Variants in PAK6 observed in about 807,000 individuals in gnomAD.
PAK6 encodes serine/threonine-protein kinase PAK 6.
In PAK6, 33 loss-of-function variants were observed where a neutral mutation model predicts 60.8. The ratio of observed to expected loss-of-function variants is 0.54; its 90% CI spans 0.41 to 0.73. PAK6 has a LOEUF of 0.73. Among genes scored for constraint, PAK6 ranks in the 30% least tolerant of loss-of-function variants. The pLI, the probability that PAK6 is intolerant of heterozygous loss-of-function variation, is 0.00. For missense variants in PAK6, 845 were observed against 904.1 expected (o/e 0.93, Z 0.84); for synonymous variants, 404 against 378.5 (o/e 1.07, Z -0.78).
intron 3 of PAK6, chr15:40,263,971 G>A: frequency 6.6e-6 from 3 of 455,978 alleles, no homozygotes; most frequent in South Asian, 3.1e-5. Context: ...TCAAGGGGAG[G>A]TGGTGCTCTC....
Position 40,275,910 on chromosome 15 carries a change from C to T in PAK6, c.1879-17C>T, listed in dbSNP as rs2039442871. 1 of 1,594,962 alleles carries T rather than the reference C, an allele frequency of 6.3e-7. No individual in the cohort carries two copies. Among genetic ancestry groups the T allele is most frequent in the African/African-American group, 1.3e-5 (1 of 74,232 alleles). Reference sequence around the variant, plus strand: ...GACTGCAAATTGTGGCTTCATCTTACTGCCCTGCCTCTACAGGTCTCCCCA... The same window carrying T: ...GACTGCAAATTGTGGCTTCATCTTATTGCCCTGCCTCTACAGGTCTCCCCA... On this transcript the variant is annotated splice_polypyrimidine_tract_variant and intron_variant, in intron 10 of 10. Transcript: ENST00000560346.
At chr15:40,246,644 C>T (rs1186503977) in intron 2 of PAK6, 2 of 152,168 alleles carry the variant, frequency 1.3e-5, no homozygotes, top group South Asian at 2.1e-4. Context: ...CAGCCACTGA[C>T]GAGGGTGTGG....
chr15:40,267,775 C>G lies in PAK6; in HGVS notation c.858+1280C>G, dbSNP rs57314452. ...GCTTGATGTATCTGTGAGAGGAACA[C>G]GAGCATCTGTGAGCTGCAGGGTGTC... On this transcript the variant is annotated intron_variant, in intron 5 of 10. Coordinates refer to ENST00000560346, the Ensembl canonical transcript of PAK6. 2.6e-5 allele frequency among the ~76,000 whole-genome samples: 4 copies of G among 152,152 alleles called. No homozygotes were observed. In the East Asian group the frequency reaches 7.7e-4, roughly 29 times the overall value.
At chr15:40,270,803 G>T (rs142477378) in intron 5 of PAK6, among the ~76,000 whole-genome samples, 22 of 152,368 alleles carry the variant, frequency 1.4e-4, no homozygotes, top group African/African-American at 5.3e-4. Context: ...GCAGAAGTCT[G>T]CCCCAGCATG....
At chr15:40,252,443 C>T (rs1595572899) in intron 2 of PAK6, 1 of 1,359,808 alleles carries the variant, frequency 7.4e-7, no homozygotes, top group Non-Finnish European at 9.8e-7. Context: ...AGCACGGCGC[C>T]CCTCGGGCAG....
chr15:40,267,354 G>A (rs892258912), intron 5 of PAK6, among the ~76,000 whole-genome samples: 25 of 152,160 alleles, frequency 1.6e-4, no homozygotes, highest in African/African-American at 6.0e-4. Context: ...GCCAGCTGAG[G>A]TACTCAGAGA....
In PAK6 at chr15:40,272,244, G is replaced by A. The variant is rs138523206; in HGVS notation, c.879G>A (p.Pro293=). 3.7e-5 allele frequency: 60 copies of A among 1,609,450 alleles called. 1 individual carries two copies. The highest frequency in any genetic ancestry group is 3.0e-4 in the Admixed American group (18 of 59,768). ...TGCAGCCCAACTCCTCTTTCCGACCGCCGCAGAAAGACAACCCCCCAAGCC... is the reference window on the plus strand; with the variant it reads ...TGCAGCCCAACTCCTCTTTCCGACCACCGCAGAAAGACAACCCCCCAAGCC... Residue 293 remains proline (P), a synonymous_variant, in exon 6 of 11, where the codon CCG becomes CCA. Transcript: ENST00000560346.
At chr15:40,275,611 T>G (rs903185240) in intron 10 of PAK6, among the ~76,000 whole-genome samples, 1 of 152,102 alleles carries the variant, frequency 6.6e-6, no homozygotes, top group Non-Finnish European at 1.5e-5. Context: ...TCAAAAGCCC[T>G]ATGTGGCAGA....
At chr15:40,272,565 G>A (rs770910250) in exon 6 of PAK6, 29 of 1,613,436 alleles carry the variant, frequency 1.8e-5, no homozygotes, top group Non-Finnish European at 2.4e-5. Flanking sequence ...TGGTGGACCA[G>A]GGTGACCCCC....
At chr15:40,266,597 G>A in intron 5 of PAK6, 102 bp downstream of exon 5, 2 of 1,220,502 alleles carry the variant, frequency 1.6e-6, no homozygotes, top group Non-Finnish European at 2.2e-6. Flanking sequence ...GAGGCTCCCT[G>A]GACTGCTTCC....
chr15:40,270,082 CTGAGT>C (rs2039260121), intron 5 of PAK6, among the ~76,000 whole-genome samples: 1 of 152,202 alleles, frequency 6.6e-6, no homozygotes, highest in Non-Finnish European at 1.5e-5. Context: ...AGCATGTTTT[CTGAGT>C]TAAGTCCACA....
rs577450410 is a variant in PAK6 at position 40,252,700 on chromosome 15, C to T, written c.-117-478C>T. The T allele has an allele frequency of 1.7e-5, 22 of 1,305,342 alleles. No individual in the cohort carries two copies. In the African/African-American group the frequency reaches 3.2e-4, roughly 19 times the overall value. The allele number at this position is 1,305,342 out of a possible 1,614,324, so 80.9% of individuals were successfully genotyped here. A position where few individuals can be genotyped will look rare whatever the true frequency, so the allele number is the denominator to read the frequency against. On this transcript the variant is annotated intron_variant, in intron 2 of 10. Transcript: ENST00000560346. ...GGCTTCCCGCTCCGCAGGTGGGTTC[C>T]CCGGCTGCCCCGGAGGTTCGCGGCG...
intron 3 of PAK6, among the ~76,000 whole-genome samples, chr15:40,263,553 C>T (rs117445267): frequency 6.6e-4 from 101 of 152,312 alleles, no homozygotes; most frequent in Middle Eastern, 3.4e-3. Context: ...CAGCTCAGCA[C>T]GACCTTAGGC....
intron 9 of PAK6, chr15:40,273,922 A>G: frequency 1.5e-6 from 1 of 669,368 alleles, no homozygotes; most frequent in Non-Finnish European, 2.5e-6. Context: ...CCTATGTATG[A>G]TGGCCTTTCT....
At position 40,272,304 on chromosome 15, in the gene PAK6, G is replaced by C. The variant is rs371922217; in HGVS notation, c.939G>C (p.Gln313His). ...AGGCCCAGTCCTTGCCCTCGGACCAGCCGGTGGGGACCTTCAGCCCTCTGA... is the reference window on the plus strand; with the variant it reads ...AGGCCCAGTCCTTGCCCTCGGACCACCCGGTGGGGACCTTCAGCCCTCTGA... Residue 313 changes from glutamine (Q) to histidine (H), a missense_variant, in exon 6 of 11, where the codon CAG (glutamine) becomes CAC (histidine). Transcript: ENST00000560346. 4.0e-5 allele frequency: 64 copies of C among 1,613,918 alleles called. No individual in the cohort carries two copies. Among genetic ancestry groups the C allele is most frequent in the Non-Finnish European group, 4.5e-5 (53 of 1,180,034 alleles).
chr15:40,263,557 C>T (rs1340248049), intron 3 of PAK6, among the ~76,000 whole-genome samples: 1 of 152,190 alleles, frequency 6.6e-6, no homozygotes, highest in Non-Finnish European at 1.5e-5. Flanking sequence ...TCAGCACGAC[C>T]TTAGGCAAAG....
chr15:40,255,495 G>A (rs942841592), intron 3 of PAK6, among the ~76,000 whole-genome samples: 1 of 152,202 alleles, frequency 6.6e-6, no homozygotes. Flanking sequence ...ACCCTGAGCA[G>A]GTTGTTTGAA....
chr15:40,274,055 T>TC (rs2039383038), intron 9 of PAK6, 87 bp from the exon 10 acceptor site: 6 of 1,489,132 alleles, frequency 4.0e-6, no homozygotes, highest in South Asian at 2.3e-5. Flanking sequence ...GGGCCAGCTG[T>TC]CCCCCCTCCA....
rs1315121543 is a variant in PAK6 at position 40,273,267 on chromosome 15, C to T, written c.1491-79C>T. On this transcript the variant is annotated intron_variant, in intron 7 of 10. Transcript: ENST00000560346. ...GAGCTGTGGGGCCTAGCACCAGGGA[C>T]TCCTACTCTGCTCAGCCACCCCACG... The T allele has an allele frequency of 2.0e-6, 3 of 1,530,042 alleles. No homozygotes were observed. In the East Asian group the frequency reaches 6.8e-5, roughly 34 times the overall value. The allele number at this position is 1,530,042 out of a possible 1,614,324, so 94.8% of individuals were successfully genotyped here.
Sources: gnomAD v4.1 joint callset for allele counts (sites outside exome capture counted in the v4.1 genomes callset) on GRCh38, gnomAD v4.1.1 for gene constraint, MANE v1.5 for transcripts, NCBI Gene and HGNC (gene_info 2026-07-23, HGNC 2026-07-21) for gene names.